RARB: variants seen among roughly 807,000 people sequenced by gnomAD.
RARB encodes retinoic acid receptor beta.
RARB carries 17 observed loss-of-function variants against 51.9 expected under a neutral mutation model. The ratio of observed to expected loss-of-function variants is 0.33; its 90% confidence interval spans 0.22 to 0.49. The LOEUF is 0.49. Ranked by LOEUF, RARB falls within the 20% of genes least tolerant of loss-of-function variation. The pLI, the probability that RARB is intolerant of heterozygous loss-of-function variation, is 0.99. For synonymous variants in RARB, 215 were observed against 195.4 expected (o/e 1.10, Z -0.84); for missense variants, 369 against 550.8 (o/e 0.67, Z 3.30).
chr3:24,891,525 T>G (rs763342973), intron 2 of RARB, among the ~76,000 whole-genome samples: 2 of 152,196 alleles, frequency 1.3e-5, no homozygotes, highest in Non-Finnish European at 2.9e-5. Flanking sequence ...ATAGTAAACA[T>G]TCAGCAAATG....
At chr3:25,002,612 T>C (rs1031457829) in intron 2 of RARB, among the ~76,000 whole-genome samples, 2 of 152,150 alleles carry the variant, frequency 1.3e-5, no homozygotes, top group African/African-American at 4.8e-5. Flanking sequence ...AACCAGAAAG[T>C]CACTTAATAC....
chr3:25,480,490 A>T (rs147932579), intron 2 of RARB, among the ~76,000 whole-genome samples: 1 of 152,172 alleles, frequency 6.6e-6, no homozygotes, highest in African/African-American at 2.4e-5. Context: ...GTTAGGTTCA[A>T]ATGGTAGCTA....
intron 5 of RARB, among the ~76,000 whole-genome samples, chr3:25,399,192 T>C (rs1239901422): frequency 6.6e-6 from 1 of 152,224 alleles, no homozygotes; most frequent in African/African-American, 2.4e-5. Flanking sequence ...ATAAACCCCC[T>C]GGGCTTGCTG....
chr3:25,402,815 G>C (rs1413885586), intron 5 of RARB, among the ~76,000 whole-genome samples: 1 of 152,076 alleles, frequency 6.6e-6, no homozygotes, highest in Non-Finnish European at 1.5e-5. Flanking sequence ...AAGAGTGGTA[G>C]TGGGGGTTGG....
chr3:25,328,389 G>A (rs1205851663), intron 5 of RARB, among the ~76,000 whole-genome samples: 1 of 152,214 alleles, frequency 6.6e-6, no homozygotes, highest in Admixed American at 6.5e-5. Flanking sequence ...GCATGGTGGT[G>A]CACACCTGTA....
intron 2 of RARB, among the ~76,000 whole-genome samples, chr3:25,489,335 GT>G (rs1355222521): frequency 1.1e-4 from 16 of 152,182 alleles, no homozygotes; most frequent in African/African-American, 3.9e-4. Flanking sequence ...AAATCAGTAA[GT>G]TAACATTGCT....
intron 5 of RARB, among the ~76,000 whole-genome samples, chr3:25,283,986 A>C (rs1440185896): frequency 6.6e-6 from 1 of 152,216 alleles, no homozygotes; most frequent in Non-Finnish European, 1.5e-5. Flanking sequence ...AAGTGATGGT[A>C]GGTCATTTCC....
intron 2 of RARB, among the ~76,000 whole-genome samples, chr3:24,914,622 G>A (rs1695068027): frequency 6.6e-6 from 1 of 152,088 alleles, no homozygotes; most frequent in African/African-American, 2.4e-5. Context: ...ACATCGTCCT[G>A]TATACTTTAA....
At chr3:25,378,664 T>C (rs1216331812) in intron 5 of RARB, among the ~76,000 whole-genome samples, 1 of 152,186 alleles carries the variant, frequency 6.6e-6, no homozygotes, top group Non-Finnish European at 1.5e-5. Flanking sequence ...ACCTACCCAC[T>C]ACACCAATTT....
At chr3:25,468,372 C>CTTTTTTTTT (rs34870919) in intron 2 of RARB, among the ~76,000 whole-genome samples, 1 of 81,694 alleles carries the variant, frequency 1.2e-5, no homozygotes, top group African/African-American at 5.1e-5. Flanking sequence ...GGCATTTGGG[C>CTTTTTTTTT]TTTTTTTTTT....
At chr3:25,241,219 C>T (rs1017194096) in intron 5 of RARB, among the ~76,000 whole-genome samples, 1 of 152,132 alleles carries the variant, frequency 6.6e-6, no homozygotes, top group African/African-American at 2.4e-5. Flanking sequence ...TATATTTGTA[C>T]AATTTCCAAA....
intron 3 of RARB, among the ~76,000 whole-genome samples, chr3:25,098,426 C>A (rs914246929): frequency 2.0e-5 from 3 of 152,282 alleles, no homozygotes; most frequent in African/African-American, 7.2e-5. Context: ...TGGCTTTATT[C>A]TCTAAGAAGA....
intron 4 of RARB, among the ~76,000 whole-genome samples, chr3:25,574,563 C>T (rs982951369): frequency 2.6e-5 from 4 of 152,188 alleles, no homozygotes; most frequent in Non-Finnish European, 5.9e-5. Context: ...TGCTCCGGGC[C>T]GCCTCTGCTC....
At chr3:24,834,525 T>G (rs866352685) in intron 1 of RARB, among the ~76,000 whole-genome samples, 1 of 152,188 alleles carries the variant, frequency 6.6e-6, no homozygotes, top group Admixed American at 6.5e-5. Context: ...GCTTCCCCTC[T>G]TTCACTAGGA....
chr3:25,020,968 AAAAT>A (rs921265665), intron 2 of RARB, among the ~76,000 whole-genome samples: 13 of 152,138 alleles, frequency 8.5e-5, no homozygotes, highest in Non-Finnish European at 1.6e-4. Flanking sequence ...ACACCGTCTC[AAAAT>A]AAATAAATAA....
intron 3 of RARB, among the ~76,000 whole-genome samples, chr3:25,531,386 AGGT>A (rs1698903248): frequency 2.0e-5 from 2 of 101,750 alleles, no homozygotes; most frequent in Non-Finnish European, 3.7e-5. Context: ...ATAGATAGAT[AGGT>A]AGATAGATAG....
chr3:25,386,403 C>G (rs1247162283), intron 5 of RARB, among the ~76,000 whole-genome samples: 2 of 151,986 alleles, frequency 1.3e-5, no homozygotes, highest in Admixed American at 1.3e-4. Context: ...TGGGATTGTT[C>G]CTGATGGTAG....
chr3:24,951,078 A>G (rs951907042), intron 2 of RARB, among the ~76,000 whole-genome samples: 12 of 152,258 alleles, frequency 7.9e-5, no homozygotes, highest in African/African-American at 2.9e-4. Flanking sequence ...TCTGGAGAAA[A>G]TGCTTTGAAA....
chr3:25,016,099 G>C (rs1013605735), intron 2 of RARB, among the ~76,000 whole-genome samples: 3 of 152,168 alleles, frequency 2.0e-5, no homozygotes, highest in Non-Finnish European at 4.4e-5. Context: ...TTGGAATTTT[G>C]CAAGGGCAAA....
Sources: gnomAD v4.1 joint callset for allele counts (sites outside exome capture counted in the v4.1 genomes callset) on GRCh38, gnomAD v4.1.1 for gene constraint, MANE v1.5 for transcripts, NCBI Gene and HGNC (gene_info 2026-07-23, HGNC 2026-07-21) for gene names.